Variants in GFRAL observed in about 807,000 individuals in gnomAD.
The protein encoded by GFRAL is GDNF family receptor alpha like, also known as GDNF family receptor alpha-like.
A neutral mutation model predicts 45.4 loss-of-function variants in GFRAL; 36 were observed. The ratio of observed to expected loss-of-function variants is 0.79; its 90% CI spans 0.61 to 1.05. GFRAL has a LOEUF of 1.05. Ranked by LOEUF, GFRAL falls within the 50% of genes least tolerant of loss-of-function variation. GFRAL has a pLI of 0.00. For synonymous variants in GFRAL, 166 were observed against 154.1 expected, an observed-to-expected ratio of 1.08 and a Z score of -0.57; for missense variants, 507 against 467.5, an observed-to-expected ratio of 1.08 and a Z score of -0.78.
At chr6:55,390,381 G>C (rs542658351) in intron 6 of GFRAL, among the ~76,000 whole-genome samples, 45 of 152,316 alleles carry the variant, frequency 3.0e-4, no homozygotes, top group African/African-American at 9.4e-4. Flanking sequence ...CATGTAGGCA[G>C]CTGGGTTCTG....
At chr6:55,351,861 A>C (rs1269872939) in intron 5 of GFRAL, among the ~76,000 whole-genome samples, 1 of 152,154 alleles carries the variant, frequency 6.6e-6, no homozygotes, top group Non-Finnish European at 1.5e-5. Flanking sequence ...AAGTTAGACT[A>C]ATGAATTGGT....
intron 6 of GFRAL, among the ~76,000 whole-genome samples, chr6:55,386,598 C>T (rs141454400): frequency 6.6e-6 from 1 of 152,270 alleles, no homozygotes; most frequent in East Asian, 1.9e-4. Flanking sequence ...CTAAGAGAGG[C>T]ATCATATCTG....
At position 55,327,588 on chromosome 6, in the gene GFRAL, G is replaced by C. The variant is rs373328917; in HGVS notation, c.22+12G>C. ...GTTTATTTTCTTGGGTAAGTGAATGGTGCTTCTGGTTTATCTGAATTATTC... is the reference window on the plus strand; with the variant it reads ...GTTTATTTTCTTGGGTAAGTGAATGCTGCTTCTGGTTTATCTGAATTATTC... On this transcript the variant is annotated intron_variant, in intron 1 of 8. Coordinates refer to ENST00000340465, the MANE Select transcript of GFRAL (RefSeq NM_207410.2). The C allele has an allele frequency of 6.2e-6, 10 of 1,611,022 alleles. No individual in the cohort carries two copies. The highest frequency in any genetic ancestry group is 8.5e-6 in the Non-Finnish European group (10 of 1,177,588).
At chr6:55,391,404 T>C (rs1169462096) in intron 6 of GFRAL, among the ~76,000 whole-genome samples, 2 of 152,200 alleles carry the variant, frequency 1.3e-5, no homozygotes, top group Non-Finnish European at 2.9e-5. Context: ...TCTCTTCACA[T>C]ACTGTTTTAT....
At chr6:55,332,605 G>A (rs1353958429) in intron 2 of GFRAL, among the ~76,000 whole-genome samples, 1 of 151,974 alleles carries the variant, frequency 6.6e-6, no homozygotes, top group Non-Finnish European at 1.5e-5. Flanking sequence ...TGTATTTTTA[G>A]TAGAGACGGG....
At chr6:55,334,304 C>A (rs1305192261) in intron 3 of GFRAL, among the ~76,000 whole-genome samples, 3 of 152,106 alleles carry the variant, frequency 2.0e-5, no homozygotes, top group Non-Finnish European at 4.4e-5. Flanking sequence ...TTGCACAAAA[C>A]CTAGATGATA....
chr6:55,364,619 G>C (rs1331627107), intron 6 of GFRAL, among the ~76,000 whole-genome samples: 1 of 148,302 alleles, frequency 6.7e-6, no homozygotes, highest in East Asian at 1.9e-4. Context: ...TTTTGTATAA[G>C]GTGTAAGGAA....
At chr6:55,381,009 G>T (rs1312924690) in intron 6 of GFRAL, among the ~76,000 whole-genome samples, 1 of 151,944 alleles carries the variant, frequency 6.6e-6, no homozygotes, top group Non-Finnish European at 1.5e-5. Flanking sequence ...CAAGCTCCTT[G>T]TATTTTCCAA....
At chr6:55,370,109 G>A in intron 6 of GFRAL, among the ~76,000 whole-genome samples, 1 of 151,826 alleles carries the variant, frequency 6.6e-6, no homozygotes, top group African/African-American at 2.4e-5. Flanking sequence ...TTTTTGAAAG[G>A]ATAATTTTCA....
At chr6:55,352,542 T>C (rs889882640) in intron 5 of GFRAL, among the ~76,000 whole-genome samples, 4 of 152,108 alleles carry the variant, frequency 2.6e-5, no homozygotes, top group Non-Finnish European at 5.9e-5. Flanking sequence ...ACTCTCTTTA[T>C]GGCCACAGAG....
chr6:55,352,415 T>G (rs1053650145), intron 5 of GFRAL, among the ~76,000 whole-genome samples: 20 of 152,212 alleles, frequency 1.3e-4, no homozygotes, highest in African/African-American at 4.1e-4. Flanking sequence ...GGCTGTCCAT[T>G]GATCTTGCAA....
chr6:55,379,391 T>A (rs1044153133), intron 6 of GFRAL, among the ~76,000 whole-genome samples: 1 of 151,962 alleles, frequency 6.6e-6, no homozygotes, highest in South Asian at 2.1e-4. Context: ...ATTATGTTGA[T>A]TTGGATTAAG....
At chr6:55,348,309 A>C (rs1281046657) in intron 3 of GFRAL, among the ~76,000 whole-genome samples, 1 of 152,084 alleles carries the variant, frequency 6.6e-6, no homozygotes, top group Non-Finnish European at 1.5e-5. Context: ...AATTTCATAC[A>C]AAATTAGCAT....
In GFRAL at chr6:55,359,041, G is replaced by A. The variant is rs564015610; in HGVS notation, c.855G>A (p.Thr285=). 32 of 1,612,758 alleles carry A rather than the reference G, an allele frequency of 2.0e-5. No individual in the cohort carries two copies. The East Asian group carries it at 3.3e-4, about 17-fold the overall frequency. Residue 285 remains threonine (T), a synonymous_variant, in exon 6 of 9, where the codon ACG becomes ACA. Coordinates refer to ENST00000340465, the MANE Select transcript of GFRAL (RefSeq NM_207410.2). The part of the protein sequence containing the change: ...CKAAYIDILG[T]VLQVQCTCRT... ...CTGCTTACATAGATATCCTTGGGAC[G>A]GTCCTTCAAGTGCAATGTACCTGTA...
intron 8 of GFRAL, among the ~76,000 whole-genome samples, chr6:55,400,914 G>T (rs1159258978): frequency 6.6e-6 from 1 of 152,054 alleles, no homozygotes; most frequent in South Asian, 2.1e-4. Context: ...TACTTTAATG[G>T]TTCTCAATCT....
At chr6:55,345,632 G>A (rs960172024) in intron 3 of GFRAL, among the ~76,000 whole-genome samples, 7 of 152,136 alleles carry the variant, frequency 4.6e-5, no homozygotes, top group East Asian at 1.9e-4. Context: ...AGATAGGCAC[G>A]GGCAAGGACT....
intron 5 of GFRAL, among the ~76,000 whole-genome samples, chr6:55,354,465 G>T (rs1225536365): frequency 2.0e-5 from 3 of 151,914 alleles, no homozygotes; most frequent in Admixed American, 6.6e-5. Context: ...TTCTTCTCAT[G>T]TAATTTATTT....
Position 55,331,543 on chromosome 6 carries a change from A to G in GFRAL, c.23-172A>G, listed in dbSNP as rs774790679. Among the ~76,000 whole-genome samples the G allele has an allele frequency of 3.3e-5, 5 of 152,194 alleles. No individual in the cohort carries two copies. The South Asian group carries it at 8.3e-4, about 25-fold the overall frequency. ...TTAAAATATTCATTTAAGAATCTAT[A>G]AAAAGAAATACAGATCTACAGCTAG... On this transcript the variant is annotated intron_variant, in intron 1 of 8. Transcript: ENST00000340465.
chr6:55,342,670 A>G (rs1009143623), intron 3 of GFRAL, among the ~76,000 whole-genome samples: 2 of 152,020 alleles, frequency 1.3e-5, no homozygotes, highest in Admixed American at 6.6e-5. Context: ...AAATTCACAC[A>G]TAACAATATT....
Sources: gnomAD v4.1 joint callset for allele counts (sites outside exome capture counted in the v4.1 genomes callset) on GRCh38, gnomAD v4.1.1 for gene constraint, MANE v1.5 for transcripts, NCBI Gene and HGNC (gene_info 2026-07-23, HGNC 2026-07-21) for gene names.